Variants in MFN1 observed in about 807,000 individuals in gnomAD.
The protein encoded by MFN1 is mitofusin-1.
In MFN1, 65 loss-of-function variants were observed where a neutral mutation model predicts 92.4. That is an observed-to-expected ratio of 0.70 (90% confidence interval 0.58 to 0.86). The LOEUF is 0.86. MFN1 is among the 40% of genes least tolerant of loss of function. The probability of loss-of-function intolerance (pLI) is 0.00; values close to 1 mark genes in which losing one functional copy is unlikely to be tolerated. For synonymous variants in MFN1, 297 were observed against 300.9 expected (o/e 0.99, Z 0.13); for missense variants, 781 against 868.0 (o/e 0.90, Z 1.26).
chr3:179,389,756 A>G (rs9820636), intron 16 of MFN1, among the ~76,000 whole-genome samples: 19,360 of 152,068 alleles, frequency 0.13, 4,083 homozygotes, highest in African/African-American at 0.44. Context: ...GAAGAAACAC[A>G]CCCATCTTTT....
At position 179,378,711 on chromosome 3, in the gene MFN1, T is replaced by C. The variant is rs774973288; in HGVS notation, c.1559T>C (p.Ile520Thr). Residue 520 changes from isoleucine to threonine, a missense_variant, in exon 14 of 18, where the codon ATT becomes ACT. Ile to Thr is a moderately conservative substitution (Grantham distance 89). Coordinates refer to ENST00000471841, the MANE Select transcript of MFN1 (RefSeq NM_033540.3). The part of the protein sequence containing the change: ...HKLCSDFQED[I>T]VFRFSLGWSS... ...TTATGTTCAGATTTTCAAGAGGATA[T>C]TGTATTTCGTTTTTCCCTGGGCTGG... 1.9e-6 allele frequency: 3 copies of C among 1,613,910 alleles called. No individual in the cohort carries two copies. In the East Asian group the frequency reaches 6.7e-5, roughly 36 times the overall value.
chr3:179,378,221 A>G, intron 12 of MFN1, 120 bp from the exon 13 acceptor site: 1 of 714,426 alleles, frequency 1.4e-6, no homozygotes, highest in East Asian at 3.2e-5. Context: ...CCTGTCTCAA[A>G]AAAAAAAAAA....
intron 3 of MFN1, among the ~76,000 whole-genome samples, chr3:179,354,166 C>T (rs151051429): frequency 0.024 from 3,621 of 152,206 alleles, 155 homozygotes; most frequent in African/African-American, 0.083. Context: ...AAGGTGATGA[C>T]TCAACTGTCC....
intron 3 of MFN1, among the ~76,000 whole-genome samples, chr3:179,357,790 A>T (rs1712401537): frequency 6.6e-6 from 1 of 152,212 alleles, no homozygotes; most frequent in Non-Finnish European, 1.5e-5. Flanking sequence ...TGATTCTGTG[A>T]GTCAAGAATA....
At position 179,394,354 on chromosome 3, in the gene MFN1, A is replaced by G. The variant is rs1004487766; in HGVS notation, c.*2295A>G. 1 of 150,820 alleles carries G rather than the reference A, an allele frequency of 6.6e-6. No individual in the cohort carries two copies. The highest frequency in any genetic ancestry group is 1.5e-5 in the Non-Finnish European group (1 of 67,874). 9.3% of individuals were successfully genotyped at this position (150,820 alleles called of 1,614,324 possible). On this transcript the variant is annotated 3_prime_UTR_variant, in exon 18 of 18. Coordinates refer to ENST00000471841, the MANE Select transcript of MFN1 (RefSeq NM_033540.3). The stretch of plus-strand genomic sequence containing the variant: ...CTTGTTTTATGTAGTTGTCTGATCA[A>G]TTGTGAAAACATAATGAATGTTGGA...
At chr3:179,351,599 C>T (rs1712150237) in intron 2 of MFN1, among the ~76,000 whole-genome samples, 1 of 152,158 alleles carries the variant, frequency 6.6e-6, no homozygotes, top group Non-Finnish European at 1.5e-5. Context: ...AATAATAGGT[C>T]AGTGTTAGGT....
At chr3:179,355,652 A>G (rs765916446) in intron 3 of MFN1, among the ~76,000 whole-genome samples, 2 of 152,126 alleles carry the variant, frequency 1.3e-5, no homozygotes, top group Non-Finnish European at 2.9e-5. Flanking sequence ...GGGACTATCC[A>G]TGGAAATGCC....
At chr3:179,349,570 A>G (rs985926194) in intron 2 of MFN1, among the ~76,000 whole-genome samples, 4 of 150,508 alleles carry the variant, frequency 2.7e-5, no homozygotes, top group Middle Eastern at 3.4e-3. Context: ...GTGCAGTGGC[A>G]TGTTCTTGGC....
intron 10 of MFN1, among the ~76,000 whole-genome samples, chr3:179,376,139 C>T (rs375843423): frequency 1.3e-4 from 20 of 152,180 alleles, no homozygotes; most frequent in African/African-American, 4.8e-4. Context: ...CCTTCATGTC[C>T]CTGTCTGTTG....
chr3:179,352,395 C>T (rs549072309), intron 3 of MFN1, among the ~76,000 whole-genome samples: 13 of 152,188 alleles, frequency 8.5e-5, no homozygotes, highest in South Asian at 2.1e-4. Flanking sequence ...TTTTGTCATA[C>T]CTAGACAGGC....
chr3:179,389,651 C>T (rs1713825596), intron 16 of MFN1, among the ~76,000 whole-genome samples: 1 of 152,086 alleles, frequency 6.6e-6, no homozygotes, highest in Non-Finnish European at 1.5e-5. Flanking sequence ...GTATTTTTGC[C>T]TATGTCACAA....
intron 17 of MFN1, among the ~76,000 whole-genome samples, chr3:179,391,598 G>C (rs1423469106): frequency 6.6e-6 from 1 of 152,132 alleles, no homozygotes. Flanking sequence ...ATGTGCCCTG[G>C]CATAGTGTGA....
intron 7 of MFN1, among the ~76,000 whole-genome samples, chr3:179,366,431 A>G (rs1712797943): frequency 6.6e-6 from 1 of 151,892 alleles, no homozygotes; most frequent in Admixed American, 6.6e-5. Context: ...GTAGAAACTT[A>G]AAAAGAAGTA....
Position 179,394,606 on chromosome 3 carries a change from G to T in MFN1, c.*2547G>T, listed in dbSNP as rs1051637754. The stretch of plus-strand genomic sequence containing the variant: ...AATTTTTTGTATTTTTAGTAGAGAC[G>T]GGGTTTCACCGTGTTAGCCAGGATG... On this transcript the variant is annotated 3_prime_UTR_variant, in exon 18 of 18. Transcript: ENST00000471841. The T allele has an allele frequency of 6.6e-6, 1 of 151,290 alleles. No homozygotes were observed. Among genetic ancestry groups the T allele is most frequent in the East Asian group, 1.9e-4 (1 of 5,130 alleles). The allele number at this position is 151,290 out of a possible 1,614,324, so 9.4% of individuals were successfully genotyped here. A position where few individuals can be genotyped will look rare whatever the true frequency, so the allele number is the denominator to read the frequency against.
At chr3:179,362,289 C>A in intron 4 of MFN1, 69 bp from the exon 5 acceptor site, 1 of 1,430,308 alleles carries the variant, frequency 7.0e-7, no homozygotes, top group Non-Finnish European at 9.3e-7. Flanking sequence ...AAATGTACCA[C>A]AATGTTTTTA....
At chr3:179,386,363 AAT>A in intron 15 of MFN1, 68 bp from the exon 16 acceptor site, 1 of 1,263,844 alleles carries the variant, frequency 7.9e-7, no homozygotes, top group Non-Finnish European at 1.1e-6. Flanking sequence ...AGGGAACTAA[AAT>A]GCTTTTAAAT....
At chr3:179,388,088 C>G (rs966940189) in intron 16 of MFN1, among the ~76,000 whole-genome samples, 1 of 151,610 alleles carries the variant, frequency 6.6e-6, no homozygotes, top group African/African-American at 2.4e-5. Context: ...AAGGTTTCAC[C>G]ATGTTGGCCA....
chr3:179,382,799 G>A (rs1713522410), intron 14 of MFN1, among the ~76,000 whole-genome samples: 3 of 152,192 alleles, frequency 2.0e-5, no homozygotes, highest in Admixed American at 2.0e-4. Context: ...TTGTGGTTTT[G>A]ATTTGCATTT....
intron 14 of MFN1, among the ~76,000 whole-genome samples, chr3:179,381,485 C>T (rs999493645): frequency 3.3e-5 from 5 of 152,196 alleles, no homozygotes; most frequent in African/African-American, 1.2e-4. Flanking sequence ...CTGGTGATGC[C>T]ACTGTGCTGC....
Sources: allele counts gnomAD v4.1 joint callset (sites outside exome capture counted in the v4.1 genomes callset), GRCh38; gene constraint gnomAD v4.1.1; transcripts MANE v1.5; gene names NCBI Gene and HGNC (gene_info 2026-07-23, HGNC 2026-07-21).